CCDC51: variants seen among roughly 807,000 people sequenced by gnomAD.
CCDC51 encodes coiled-coil domain containing 51.
A neutral mutation model predicts 24.8 loss-of-function variants in CCDC51; 25 were observed. The ratio of observed to expected loss-of-function variants is 1.01; its 90% CI spans 0.73 to 1.41. The LOEUF (loss-of-function observed/expected upper bound fraction) is 1.41. Ranked by LOEUF, CCDC51 falls within the 40% of genes most tolerant of loss-of-function variation. The pLI is 0.00. For missense variants in CCDC51, 466 were observed against 519.1 expected, an observed-to-expected ratio of 0.90 and a Z score of 0.99; for synonymous variants, 190 against 204.3, an observed-to-expected ratio of 0.93 and a Z score of 0.60.
At chr3:48,445,702 T>C in the CCDC51 span, among the ~76,000 whole-genome samples, 1 of 152,254 alleles carries the variant, frequency 6.6e-6, no homozygotes, top group Non-Finnish European at 1.5e-5. Context: ...TTATAGGCCC[T>C]GATAGCACTC....
chr3:48,440,269 A>T, upstream of CCDC51: 1 of 1,587,966 alleles, frequency 6.3e-7, no homozygotes. Flanking sequence ...TTCCGGTGGC[A>T]GGGTCTGGGG....
upstream of CCDC51, among the ~76,000 whole-genome samples, chr3:48,443,404 A>C (rs1429617315): frequency 1.3e-5 from 2 of 151,712 alleles, no homozygotes; most frequent in Admixed American, 1.3e-4. Context: ...AAAATTAGCC[A>C]GGGCTTGTGG....
chr3:48,444,365 C>T (rs1016806909), upstream of CCDC51, among the ~76,000 whole-genome samples: 8 of 152,130 alleles, frequency 5.3e-5, no homozygotes, highest in African/African-American at 9.7e-5. Context: ...CTCCACCTCC[C>T]GGGTTCAAAC....
rs1183635839 is a variant in CCDC51 at position 48,433,926 on chromosome 3, T to G, written c.313-55A>C. 1.9e-6 allele frequency: 3 copies of G among 1,572,314 alleles called. No individual in the cohort carries two copies. Among genetic ancestry groups the G allele is most frequent in the Non-Finnish European group, 2.6e-6 (3 of 1,158,234 alleles). ...ACCTTCTCTCCACACCCACACAGGC[T>G]CAGCTGCATTCCCAGCAAGGCATTC... is the stretch of plus-strand genomic sequence containing the variant. On this transcript the variant is annotated intron_variant, in intron 2 of 3. Transcript: ENST00000395694. The surrounding 1 kb of genome is among the most constrained non-coding windows in gnomAD (Gnocchi z 4.4).
the CCDC51 span, among the ~76,000 whole-genome samples, chr3:48,446,014 G>A: frequency 1.0e-3 from 155 of 152,228 alleles, no homozygotes; most frequent in Admixed American, 3.5e-3. Context: ...TTAGTCTTAT[G>A]TGCCAGCCTC....
At chr3:48,438,725 T>G (rs553340892) in intron 1 of CCDC51, among the ~76,000 whole-genome samples, 47 of 152,342 alleles carry the variant, frequency 3.1e-4, no homozygotes, top group African/African-American at 1.1e-3. Flanking sequence ...ACCCTGCTTC[T>G]ATTCCAGCCC....
upstream of CCDC51, among the ~76,000 whole-genome samples, chr3:48,442,452 CTTTT>C (rs904695197): frequency 1.4e-3 from 184 of 130,732 alleles, no homozygotes; most frequent in African/African-American, 4.8e-3. Context: ...TAACCCTACA[CTTTT>C]TTTTTTTTTT....
In CCDC51 at chr3:48,432,839, G is replaced by A. The variant is rs2279077; in HGVS notation, c.805C>T (p.Leu269=). Residue 269 remains leucine (L), a synonymous_variant, in exon 4 of 4, where the codon CTG becomes TTG. Coordinates refer to ENST00000395694, the MANE Select transcript of CCDC51 (RefSeq NM_001256964.2). Reference sequence around the variant, plus strand: ...CCAGCAGCATGTACCAGGCCCCTCAGGTCCACCATGAGATTGTGGAGGTCC... The same window carrying A: ...CCAGCAGCATGTACCAGGCCCCTCAAGTCCACCATGAGATTGTGGAGGTCC... The part of the protein sequence containing the change: ...QRDLHNLMVD[L]RGLVHAAGPG... 0.57 allele frequency: 921,547 copies of A among 1,613,868 alleles called. 266,833 individuals carry two copies. Among genetic ancestry groups the A allele is most frequent in the Admixed American group, 0.74 (44,603 of 59,996 alleles).
chr3:48,440,322 C>G (rs372813311), upstream of CCDC51: 1 of 1,611,308 alleles, frequency 6.2e-7, no homozygotes, highest in Non-Finnish European at 8.5e-7. Flanking sequence ...GGTAAGTGTT[C>G]CGGAACCGTG....
chr3:48,440,297 A>C, upstream of CCDC51: 2 of 1,606,512 alleles, frequency 1.2e-6, no homozygotes, highest in South Asian at 1.1e-5. Context: ...GGCAGGCGCC[A>C]TGTCCGGCCG....
In CCDC51 at chr3:48,433,039, T is replaced by G. The variant is rs1431191446; in HGVS notation, c.605A>C (p.Asn202Thr). ...CAGGACTGAGCCAATGAGGGACCAG[T>G]TCTTGGTCCTCTCAGCCCTTGTGCG... ...KERTRAERTK[N>T]WSLIGSVLGA... The change falls in exon 4 of 4, where the codon AAC (asparagine) becomes ACC (threonine). Residue 202 changes from asparagine (N) to threonine (T), a missense_variant. By Grantham distance (65) the Asn-to-Thr change is moderately conservative. Transcript: ENST00000395694. This position sits in a 1 kb window ranked among gnomAD's most constrained non-coding sequence, Gnocchi z 4.4. The G allele has an allele frequency of 1.2e-6, 2 of 1,614,134 alleles. No homozygotes were observed. Among genetic ancestry groups the G allele is most frequent in the South Asian group, 2.2e-5 (2 of 91,072 alleles).
upstream of CCDC51, among the ~76,000 whole-genome samples, chr3:48,443,537 A>C (rs1480069843): frequency 7.4e-6 from 1 of 134,596 alleles, no homozygotes; most frequent in East Asian, 1.9e-4. Context: ...CCATCTCAGA[A>C]AAAAAAAAAA....
upstream of CCDC51, chr3:48,440,710 C>A: frequency 7.8e-7 from 1 of 1,284,174 alleles, no homozygotes; most frequent in East Asian, 2.5e-5. Flanking sequence ...TGTCTTTTTC[C>A]TGCCTCCTGA....
At chr3:48,436,811 A>G (rs1162003559) in intron 1 of CCDC51, among the ~76,000 whole-genome samples, 2 of 152,096 alleles carry the variant, frequency 1.3e-5, no homozygotes, top group East Asian at 3.8e-4. Flanking sequence ...CAGCAAAGTC[A>G]CCCATTCCTG....
chr3:48,434,715 G>T, intron 2 of CCDC51, 102 bp downstream of exon 2: 1 of 1,093,310 alleles, frequency 9.1e-7, no homozygotes, highest in Non-Finnish European at 1.3e-6. Flanking sequence ...GAGAAATGAG[G>T]CTAAACACAA....
upstream of CCDC51, among the ~76,000 whole-genome samples, chr3:48,441,785 C>T (rs2039576059): frequency 6.6e-6 from 1 of 152,282 alleles, no homozygotes; most frequent in East Asian, 1.9e-4. Context: ...GTTTATGCCC[C>T]CATTTGAGCA....
Position 48,435,504 on chromosome 3 carries a change from T to G in CCDC51, c.-8-368A>C, listed in dbSNP as rs560878126. Among the ~76,000 whole-genome samples, 8 of 152,276 alleles carry G rather than the reference T, an allele frequency of 5.3e-5. No individual in the cohort carries two copies. The highest frequency in any genetic ancestry group is 1.9e-4 in the African/African-American group (8 of 41,546). On this transcript the variant is annotated intron_variant, in intron 1 of 3. Transcript: ENST00000395694. The surrounding 1 kb of genome is among the most constrained non-coding windows in gnomAD (Gnocchi z 4.2). ...CCAGGTTTCTGATGTCAAAGACAGT[T>G]TTTAAACCAGACTTGTACACATGCT...
Position 48,433,082 on chromosome 3 carries a change from C to T in CCDC51, c.562G>A (p.Glu188Lys). 6.2e-7 allele frequency: 1 copy of T among 1,614,150 alleles called. No individual in the cohort carries two copies. The change falls in exon 4 of 4, where the codon GAA becomes AAA. Residue 188 changes from glutamate (E) to lysine (K), a missense_variant. By Grantham distance (56) the Glu-to-Lys change is moderately conservative (BLOSUM62 1). Coordinates refer to ENST00000395694, the MANE Select transcript of CCDC51 (RefSeq NM_001256964.2). This position sits in a 1 kb window ranked among gnomAD's most constrained non-coding sequence, Gnocchi z 4.4. ...KFSLFSAAVRESHEKERTRAE... is the reference protein window; with the variant it reads ...KFSLFSAAVRKSHEKERTRAE... Reference sequence around the variant, plus strand: ...CTTGTGCGCTCCTTCTCATGACTTTCCCGCACAGCTGCAGAGAAGAGGGAG... The same window carrying T: ...CTTGTGCGCTCCTTCTCATGACTTTTCCGCACAGCTGCAGAGAAGAGGGAG...
chr3:48,445,183 A>T (rs201350296), upstream of CCDC51: 7 of 150,404 alleles, frequency 4.7e-5, no homozygotes, highest in Admixed American at 4.6e-4. Context: ...TAAAAAAAAA[A>T]AATTAATTCA....
Sources: allele counts gnomAD v4.1 joint callset (sites outside exome capture counted in the v4.1 genomes callset), GRCh38; gene constraint gnomAD v4.1.1; non-coding constraint Gnocchi (gnomAD v3.1); transcripts MANE v1.5; gene names NCBI Gene and HGNC (gene_info 2026-07-23, HGNC 2026-07-21).